ARMC9: variants seen among roughly 807,000 people sequenced by gnomAD.
ARMC9 encodes armadillo repeat containing 9, also known as lisH domain-containing protein ARMC9.
In ARMC9, 94 loss-of-function variants were observed where a neutral mutation model predicts 107.0. That is an observed-to-expected ratio of 0.88 (90% CI 0.74 to 1.04). The LOEUF is 1.04. Ranked by LOEUF, ARMC9 falls within the 50% of genes least tolerant of loss-of-function variation. The pLI is 0.00. For synonymous variants in ARMC9, 380 were observed against 396.9 expected (o/e 0.96, Z 0.51); for missense variants, 942 against 1,030.1 (o/e 0.91, Z 1.17).
chr2:231,302,617 T>C (rs1229311780), intron 19 of ARMC9, among the ~76,000 whole-genome samples: 3 of 152,180 alleles, frequency 2.0e-5, no homozygotes, highest in Non-Finnish European at 4.4e-5. Flanking sequence ...CCTTTTCAGA[T>C]AGATATTTTT....
At chr2:231,262,190 T>C (rs565656419) in intron 11 of ARMC9, 116 bp from the exon 12 acceptor site, 15 of 961,560 alleles carry the variant, frequency 1.6e-5, no homozygotes, top group African/African-American at 3.2e-5. Flanking sequence ...ATATTACTTA[T>C]TTTGTTTGGT....
At chr2:231,249,660 C>G (rs79316433) in intron 9 of ARMC9, among the ~76,000 whole-genome samples, 10,327 of 152,122 alleles carry the variant, frequency 0.068, 572 homozygotes, top group East Asian at 0.25. Flanking sequence ...TCCAGAGAAC[C>G]TAGAAGGGAG....
chr2:231,319,253 A>G (rs550068786), intron 19 of ARMC9, among the ~76,000 whole-genome samples: 73 of 152,278 alleles, frequency 4.8e-4, no homozygotes, highest in Non-Finnish European at 1.8e-4. Context: ...ACTGAGCCCA[A>G]AGGCGCTGGG....
At chr2:231,257,488 C>G (rs2037939529) in intron 10 of ARMC9, among the ~76,000 whole-genome samples, 1 of 152,178 alleles carries the variant, frequency 6.6e-6, no homozygotes, top group Non-Finnish European at 1.5e-5. Flanking sequence ...CCTCACACAC[C>G]TGAGATGCCC....
In ARMC9 at chr2:231,341,536, G is replaced by T. The variant is rs2044499428; in HGVS notation, c.1879-3439G>T. Reference sequence around the variant, plus strand: ...CAAAATCAGTTCTGTTGGTCAGGAAGGAGAGGGTGAATATTATGTAGACTG... The same window carrying T: ...CAAAATCAGTTCTGTTGGTCAGGAATGAGAGGGTGAATATTATGTAGACTG... On this transcript the variant is annotated intron_variant, in intron 20 of 24. Coordinates refer to ENST00000611582, the MANE Select transcript of ARMC9 (RefSeq NM_001352754.2). Among the ~76,000 whole-genome samples, 4 of 152,188 alleles carry T rather than the reference G, an allele frequency of 2.6e-5. No individual in the cohort carries two copies. The South Asian group carries it at 8.3e-4, about 32-fold the overall frequency.
At chr2:231,370,990 G>A in intron 24 of ARMC9, 1 of 454,282 alleles carries the variant, frequency 2.2e-6, no homozygotes, top group Non-Finnish European at 4.4e-6. Flanking sequence ...GGAAGTGGGG[G>A]TAATGGCCAT....
chr2:231,366,414 C>T (rs927331873), intron 23 of ARMC9, among the ~76,000 whole-genome samples: 5 of 152,090 alleles, frequency 3.3e-5, no homozygotes, highest in African/African-American at 9.7e-5. Context: ...ATAACCATTA[C>T]GGGCCAGGCA....
At chr2:231,305,035 T>C (rs2041965899) in intron 19 of ARMC9, among the ~76,000 whole-genome samples, 1 of 152,208 alleles carries the variant, frequency 6.6e-6, no homozygotes, top group African/African-American at 2.4e-5. Flanking sequence ...CAAGTCCCAT[T>C]CCTGAAGATA....
chr2:231,209,455 A>G (rs141731559), intron 3 of ARMC9, among the ~76,000 whole-genome samples: 1 of 152,230 alleles, frequency 6.6e-6, no homozygotes, highest in Non-Finnish European at 1.5e-5. Context: ...CAGGTAAGTA[A>G]TCAGTTCACC....
At chr2:231,296,370 A>C in intron 19 of ARMC9, 117 bp downstream of exon 19, 1 of 940,398 alleles carries the variant, frequency 1.1e-6, no homozygotes, top group Non-Finnish European at 1.6e-6. Context: ...ACTATTTCTC[A>C]CAATTCTGAG....
intron 5 of ARMC9, among the ~76,000 whole-genome samples, chr2:231,218,855 G>C (rs1411004122): frequency 2.6e-5 from 4 of 151,802 alleles, no homozygotes; most frequent in Non-Finnish European, 5.9e-5. Flanking sequence ...GGGTTCAAGC[G>C]ATTCTCCTGC....
intron 20 of ARMC9, among the ~76,000 whole-genome samples, chr2:231,341,752 C>A (rs1382735663): frequency 6.6e-6 from 1 of 151,806 alleles, no homozygotes; most frequent in Non-Finnish European, 1.5e-5. Context: ...TACTCAAAAC[C>A]AATTAGTAAG....
Position 231,207,397 on chromosome 2 carries a change from C to T in ARMC9, c.52-730C>T, listed in dbSNP as rs199846590. On this transcript the variant is annotated intron_variant, in intron 2 of 24. Coordinates refer to ENST00000611582, the MANE Select transcript of ARMC9 (RefSeq NM_001352754.2). ...CTGGTCTCAAAGTCCTAGGCTCAAGCGATCCTCCTACCTCAGCCTCCCAAA... is the reference window on the plus strand; with the variant it reads ...CTGGTCTCAAAGTCCTAGGCTCAAGTGATCCTCCTACCTCAGCCTCCCAAA... Among the ~76,000 whole-genome samples the T allele has an allele frequency of 4.1e-4, 63 of 152,266 alleles. 2 individuals carry two copies. The East Asian group carries it at 0.01, about 25-fold the overall frequency.
Position 231,371,567 on chromosome 2 carries a change from G to T in ARMC9, c.*32G>T, listed in dbSNP as rs1297976454. 2 of 1,204,926 alleles carry T rather than the reference G, an allele frequency of 1.7e-6. No homozygotes were observed. The highest frequency in any genetic ancestry group is 8.8e-5 in the Admixed American group (2 of 22,734). 74.6% of individuals were successfully genotyped at this position (1,204,926 alleles called of 1,614,324 possible). A position where few individuals can be genotyped will look rare whatever the true frequency, so the allele number is the denominator to read the frequency against. On this transcript the variant is annotated 3_prime_UTR_variant, in exon 25 of 25. Transcript: ENST00000611582. Reference sequence around the variant, plus strand: ...CCCCGGGTGTCCCCATCACGTTGCCGGAGGACCAGCCAGCTTCCCGCTCTC... The same window carrying T: ...CCCCGGGTGTCCCCATCACGTTGCCTGAGGACCAGCCAGCTTCCCGCTCTC...
chr2:231,282,158 T>C (rs764291868), intron 17 of ARMC9, 25 bp downstream of exon 17: 13 of 1,611,032 alleles, frequency 8.1e-6, no homozygotes, highest in Non-Finnish European at 1.0e-5. Flanking sequence ...CTGAGAAACA[T>C]GTGAGCTTCC....
intron 17 of ARMC9, among the ~76,000 whole-genome samples, chr2:231,287,848 C>G (rs1206847004): frequency 6.6e-6 from 1 of 152,138 alleles, no homozygotes; most frequent in Non-Finnish European, 1.5e-5. Flanking sequence ...ATGTATGTAT[C>G]AGAATGTTCA....
chr2:231,232,371 A>T (rs2035313819), intron 7 of ARMC9, among the ~76,000 whole-genome samples: 1 of 151,634 alleles, frequency 6.6e-6, no homozygotes, highest in Admixed American at 6.6e-5. Context: ...CCCTTTCCCT[A>T]ATGTTTAAGG....
At chr2:231,256,061 A>C (rs2037760282) in intron 9 of ARMC9, 2 of 1,525,018 alleles carry the variant, frequency 1.3e-6, no homozygotes, top group Non-Finnish European at 8.8e-7. Context: ...AAACAAAAAA[A>C]CCGCCTCTCC....
Position 231,218,941 on chromosome 2 carries a change from G to A in ARMC9, c.504+2148G>A, listed in dbSNP as rs181678485. On this transcript the variant is annotated intron_variant, in intron 5 of 24. Transcript: ENST00000611582. ...TAATTTTTGTATTTTTAGTAGAGAC[G>A]GGGTTTCACCATGTTGGCCAGGCTG... 5.9e-5 allele frequency among the ~76,000 whole-genome samples: 9 copies of A among 151,956 alleles called. No individual in the cohort carries two copies. In the East Asian group the frequency reaches 1.7e-3, roughly 29 times the overall value.
Sources: gnomAD v4.1 joint callset for allele counts (sites outside exome capture counted in the v4.1 genomes callset) on GRCh38, gnomAD v4.1.1 for gene constraint, MANE v1.5 for transcripts, NCBI Gene and HGNC (gene_info 2026-07-23, HGNC 2026-07-21) for gene names.